MTUS2: variants seen among roughly 807,000 people sequenced by gnomAD.
The protein encoded by MTUS2 is microtubule-associated tumor suppressor candidate 2.
MTUS2 carries 40 observed loss-of-function variants against 114.1 expected under a neutral mutation model. The ratio of observed to expected loss-of-function variants is 0.35; its 90% CI spans 0.27 to 0.46. The LOEUF is 0.46. MTUS2 is among the 20% of genes least tolerant of loss of function. The pLI is 1.00. For synonymous variants in MTUS2, 688 were observed against 672.0 expected (o/e 1.02, Z -0.37); for missense variants, 1,679 against 1,705.4 (o/e 0.98, Z 0.27).
intron 2 of MTUS2, among the ~76,000 whole-genome samples, chr13:29,016,770 A>G (rs1886084986): frequency 6.6e-6 from 1 of 152,254 alleles, no homozygotes; most frequent in Non-Finnish European, 1.5e-5. Flanking sequence ...TGTTATGTAC[A>G]TAAGATAAAG....
At chr13:29,257,042 C>A (rs73451236) in intron 5 of MTUS2, among the ~76,000 whole-genome samples, 5 of 152,124 alleles carry the variant, frequency 3.3e-5, no homozygotes, top group Non-Finnish European at 7.3e-5. Flanking sequence ...TATTTGCTGT[C>A]GCCATCTCCC....
chr13:29,236,955 A>G (rs985685742), intron 5 of MTUS2, among the ~76,000 whole-genome samples: 7 of 152,238 alleles, frequency 4.6e-5, no homozygotes, highest in African/African-American at 1.7e-4. Flanking sequence ...AGGAAAATAA[A>G]CACAGAGAAA....
intron 6 of MTUS2, among the ~76,000 whole-genome samples, chr13:29,290,456 A>G (rs971559091): frequency 6.6e-6 from 1 of 152,116 alleles, no homozygotes; most frequent in Non-Finnish European, 1.5e-5. Context: ...CAGCCTCCTG[A>G]GTAGCTGGGA....
intron 2 of MTUS2, among the ~76,000 whole-genome samples, chr13:28,911,175 T>A (rs1880406691): frequency 2.0e-5 from 1 of 49,104 alleles, no homozygotes; most frequent in Non-Finnish European, 3.9e-5. Flanking sequence ...GCGCCCTGCT[T>A]TTTTTTTTTT....
chr13:29,264,112 C>T (rs1380884624), intron 5 of MTUS2, among the ~76,000 whole-genome samples: 12 of 152,210 alleles, frequency 7.9e-5, no homozygotes. Context: ...TAAGCATTCC[C>T]ATTCCAAAAG....
At position 28,881,352 on chromosome 13, in the gene MTUS2, A is replaced by AT. The variant is rs533209368; in HGVS notation, c.-243+41512dup. 2.1e-3 allele frequency among the ~76,000 whole-genome samples: 306 copies of AT among 149,062 alleles called. 2 individuals carry two copies. In the South Asian group the frequency reaches 0.049, roughly 24 times the overall value. On this transcript the variant is annotated intron_variant, in intron 2 of 15. Coordinates refer to ENST00000612955, the MANE Select transcript of MTUS2 (RefSeq NM_001033602.4). ...TAGTATTCCATAATGTATGTACCAC[A>AT]TTTTTTTTTTCTATTCAGTCATCCA...
intron 6 of MTUS2, among the ~76,000 whole-genome samples, chr13:29,314,688 A>G (rs1899913838): frequency 1.3e-5 from 2 of 152,220 alleles, no homozygotes; most frequent in Admixed American, 6.5e-5. Context: ...GTATGGAGGG[A>G]TAAGACAAGA....
chr13:29,236,760 C>T (rs1190268559), intron 5 of MTUS2, among the ~76,000 whole-genome samples: 1 of 152,224 alleles, frequency 6.6e-6, no homozygotes, highest in Non-Finnish European at 1.5e-5. Context: ...ATGCTCCTGC[C>T]TTCTTCCATG....
chr13:28,930,087 T>C (rs1881533211), intron 2 of MTUS2, among the ~76,000 whole-genome samples: 1 of 152,088 alleles, frequency 6.6e-6, no homozygotes, highest in African/African-American at 2.4e-5. Context: ...ATCTCTTTTT[T>C]ATGTGATAAC....
At chr13:29,364,695 C>A (rs1870557692) in intron 8 of MTUS2, among the ~76,000 whole-genome samples, 2 of 152,194 alleles carry the variant, frequency 1.3e-5, no homozygotes, top group Non-Finnish European at 2.9e-5. Context: ...TGAGCTAAAG[C>A]AGTAGAGAAG....
At chr13:29,289,508 G>T (rs944627964) in intron 6 of MTUS2, among the ~76,000 whole-genome samples, 2 of 149,032 alleles carry the variant, frequency 1.3e-5, no homozygotes, top group African/African-American at 5.0e-5. Flanking sequence ...TGTCGCCCAG[G>T]CTGGAGTGCA....
At chr13:29,477,273 A>G (rs1175890480) in intron 9 of MTUS2, among the ~76,000 whole-genome samples, 1 of 152,166 alleles carries the variant, frequency 6.6e-6, no homozygotes, top group Non-Finnish European at 1.5e-5. Flanking sequence ...TCTTTGTTCT[A>G]TTCTCTCAAC....
At chr13:29,069,942 T>C (rs1160583964) in intron 4 of MTUS2, among the ~76,000 whole-genome samples, 2 of 152,366 alleles carry the variant, frequency 1.3e-5, no homozygotes, top group African/African-American at 4.8e-5. Flanking sequence ...AGCTTTCTTC[T>C]GGATTTTATA....
At chr13:29,146,101 C>G (rs903790722) in intron 5 of MTUS2, among the ~76,000 whole-genome samples, 4 of 152,116 alleles carry the variant, frequency 2.6e-5, no homozygotes, top group African/African-American at 9.7e-5. Flanking sequence ...AGTGCTTTAT[C>G]AAAATTTATG....
chr13:29,426,354 C>CT (rs1876525773), intron 8 of MTUS2, among the ~76,000 whole-genome samples: 1 of 152,206 alleles, frequency 6.6e-6, no homozygotes, highest in Non-Finnish European at 1.5e-5. Flanking sequence ...ATTTATCCTG[C>CT]TTTAGCCCCA....
chr13:29,211,095 G>A (rs1284134365), intron 5 of MTUS2, among the ~76,000 whole-genome samples: 1 of 152,120 alleles, frequency 6.6e-6, no homozygotes, highest in African/African-American at 2.4e-5. Flanking sequence ...TCAGGTGGGG[G>A]CAGATTTAGG....
At chr13:28,867,077 T>G (rs2138087365) in intron 2 of MTUS2, among the ~76,000 whole-genome samples, 1 of 152,254 alleles carries the variant, frequency 6.6e-6, no homozygotes, top group African/African-American at 2.4e-5. Context: ...CTTACCCTAT[T>G]TCACTGGCAG....
chr13:29,456,285 T>C (rs916058819), intron 9 of MTUS2, among the ~76,000 whole-genome samples: 1 of 151,884 alleles, frequency 6.6e-6, no homozygotes, highest in Non-Finnish European at 1.5e-5. Flanking sequence ...TGAAGATAGA[T>C]CAACAGATAT....
chr13:29,360,151 C>T (rs1194314413), intron 8 of MTUS2, among the ~76,000 whole-genome samples: 1 of 152,200 alleles, frequency 6.6e-6, no homozygotes, highest in Non-Finnish European at 1.5e-5. Flanking sequence ...TGCATTTGTT[C>T]TCCACCTTGA....
Sources: allele counts gnomAD v4.1 joint callset (sites outside exome capture counted in the v4.1 genomes callset), GRCh38; gene constraint gnomAD v4.1.1; transcripts MANE v1.5; gene names NCBI Gene and HGNC (gene_info 2026-07-23, HGNC 2026-07-21).